SSBP2: variants seen among roughly 807,000 people sequenced by gnomAD.
SSBP2 encodes single stranded DNA binding protein 2.
A neutral mutation model predicts 61.8 loss-of-function variants in SSBP2; 17 were observed. The observed-to-expected ratio is 0.28, with a 90% CI of 0.19 to 0.41. The LOEUF (loss-of-function observed/expected upper bound fraction) is 0.41. SSBP2 is among the 10% of genes least tolerant of loss of function. The pLI is 1.00. For synonymous variants in SSBP2, 139 were observed against 141.3 expected, an observed-to-expected ratio of 0.98 and a Z score of 0.12; for missense variants, 310 against 458.7, an observed-to-expected ratio of 0.68 and a Z score of 2.96.
chr5:81,661,309 T>C (rs1581276301), intron 1 of SSBP2, among the ~76,000 whole-genome samples: 1 of 152,290 alleles, frequency 6.6e-6, no homozygotes, highest in African/African-American at 2.4e-5. Flanking sequence ...AAAGCGGCAA[T>C]GACTATGGGA....
At chr5:81,531,974 G>A (rs1219406145) in intron 4 of SSBP2, among the ~76,000 whole-genome samples, 2 of 152,078 alleles carry the variant, frequency 1.3e-5, no homozygotes, top group African/African-American at 4.8e-5. Flanking sequence ...AATGTTCTCA[G>A]TTTTCTCTGT....
rs1764934539 is a variant in SSBP2 at position 81,466,975 on chromosome 5, T to C, written c.637A>G (p.Met213Val). The change falls in exon 9 of 17, where the codon ATG (methionine) becomes GTG (valine). Residue 213 changes from methionine to valine, a missense_variant and splice_region_variant. Physicochemically the swap from Met to Val is conservative, Grantham distance 21. Around this residue, in one of 4 missense-constraint regions of SSBP2, gnomAD observed 209 missense variants for 286.4 expected, o/e 0.73. Coordinates refer to ENST00000320672, the MANE Select transcript of SSBP2 (RefSeq NM_012446.5). ...AGTATATGATATAACATTGCTTACA[T>C]GTTCATTCCAGGCATTCCAGGGCCA... The C allele has an allele frequency of 3.1e-6, 5 of 1,600,630 alleles. No individual in the cohort carries two copies. Among genetic ancestry groups the C allele is most frequent in the Non-Finnish European group, 4.3e-6 (5 of 1,169,238 alleles).
chr5:81,507,868 C>A (rs954903249), intron 5 of SSBP2, among the ~76,000 whole-genome samples: 9 of 152,002 alleles, frequency 5.9e-5, no homozygotes, highest in Non-Finnish European at 1.2e-4. Context: ...ATTTTTTAAA[C>A]AAAAGAATTA....
At chr5:81,663,906 T>C (rs927304111) in intron 1 of SSBP2, among the ~76,000 whole-genome samples, 4 of 152,176 alleles carry the variant, frequency 2.6e-5, no homozygotes, top group African/African-American at 9.7e-5. Context: ...AAAAGATTCA[T>C]ATAAAAATAA....
At chr5:81,683,981 A>G (rs1415255459) in intron 1 of SSBP2, among the ~76,000 whole-genome samples, 1 of 152,190 alleles carries the variant, frequency 6.6e-6, no homozygotes. Context: ...AGCAACAAGA[A>G]TTTCCATTCA....
chr5:81,614,127 G>A (rs1257584873), intron 4 of SSBP2, among the ~76,000 whole-genome samples: 4 of 152,068 alleles, frequency 2.6e-5, no homozygotes, highest in Non-Finnish European at 5.9e-5. Flanking sequence ...TTGGGAGGCC[G>A]AGGCGGGCGG....
chr5:81,571,748 T>C (rs1773858982), intron 4 of SSBP2, among the ~76,000 whole-genome samples: 1 of 152,134 alleles, frequency 6.6e-6, no homozygotes, highest in Admixed American at 6.5e-5. Context: ...TATTCAACAA[T>C]ATTATCTGGC....
chr5:81,687,569 G>C (rs1752910330), intron 1 of SSBP2, among the ~76,000 whole-genome samples: 1 of 152,174 alleles, frequency 6.6e-6, no homozygotes, highest in Non-Finnish European at 1.5e-5. Context: ...AGGCAGCACA[G>C]CTTAAAGCTA....
At chr5:81,730,566 A>C (rs1756196469) in intron 1 of SSBP2, among the ~76,000 whole-genome samples, 2 of 152,186 alleles carry the variant, frequency 1.3e-5, no homozygotes, top group Non-Finnish European at 2.9e-5. Context: ...AAATCTAAAA[A>C]TCTACAGTTT....
chr5:81,718,809 T>C (rs1755349576), intron 1 of SSBP2, among the ~76,000 whole-genome samples: 1 of 152,228 alleles, frequency 6.6e-6, no homozygotes, highest in Admixed American at 6.5e-5. Flanking sequence ...GCGTCTTCCA[T>C]GATATTTAGC....
chr5:81,586,242 C>T (rs924252337), intron 4 of SSBP2, among the ~76,000 whole-genome samples: 1 of 152,142 alleles, frequency 6.6e-6, no homozygotes, highest in Admixed American at 6.5e-5. Flanking sequence ...AATGACTGTA[C>T]TAATTTTCAT....
At chr5:81,740,674 A>G (rs1756955001) in intron 1 of SSBP2, among the ~76,000 whole-genome samples, 1 of 152,224 alleles carries the variant, frequency 6.6e-6, no homozygotes, top group Non-Finnish European at 1.5e-5. Flanking sequence ...CCTGACTCCA[A>G]AGTTTAAAGT....
At chr5:81,466,149 T>G (rs1369343364) in intron 9 of SSBP2, among the ~76,000 whole-genome samples, 1 of 151,982 alleles carries the variant, frequency 6.6e-6, no homozygotes, top group African/African-American at 2.4e-5. Flanking sequence ...ATGGAACACT[T>G]TCATTACTTT....
intron 14 of SSBP2, among the ~76,000 whole-genome samples, chr5:81,440,288 T>A (rs932626667): frequency 3.3e-5 from 5 of 152,182 alleles, no homozygotes; most frequent in African/African-American, 1.2e-4. Flanking sequence ...ACAGCAGCAA[T>A]GTCTCCTTTT....
intron 4 of SSBP2, among the ~76,000 whole-genome samples, chr5:81,527,232 G>C (rs968023014): frequency 1.3e-5 from 2 of 152,018 alleles, no homozygotes; most frequent in Admixed American, 1.3e-4. Context: ...AGATAACTCT[G>C]GTAGCTCTTT....
At chr5:81,630,779 C>T (rs900953518) in intron 3 of SSBP2, among the ~76,000 whole-genome samples, 1 of 146,952 alleles carries the variant, frequency 6.8e-6, no homozygotes, top group African/African-American at 2.5e-5. Flanking sequence ...AAAAAAGCTA[C>T]AGAAGCAAAA....
chr5:81,527,478 T>C (rs1770033455), intron 4 of SSBP2, among the ~76,000 whole-genome samples: 1 of 151,998 alleles, frequency 6.6e-6, no homozygotes, highest in South Asian at 2.1e-4. Flanking sequence ...TGCAATGAAA[T>C]ACAGGTAACA....
chr5:81,428,617 C>G lies in SSBP2; in HGVS notation c.1024G>C (p.Gly342Arg), dbSNP rs1317727632. ...CTCTGAAAAGGATTTAAGAAATTTC[C>G]CCCCATTTCGCCATCATCCCTTGGA... The change falls in exon 16 of 17, where the codon GGA becomes CGA. Residue 342 changes from glycine (G) to arginine (R), a missense_variant. By Grantham distance (125) the Gly-to-Arg change is moderately radical (BLOSUM62 -2). This residue lies in a region of SSBP2 where 44 missense variants were observed against 86.2 expected (regional missense o/e 0.51). Coordinates refer to ENST00000320672, the MANE Select transcript of SSBP2 (RefSeq NM_012446.5). The G allele has an allele frequency of 1.2e-6, 2 of 1,613,090 alleles. No individual in the cohort carries two copies.
chr5:81,628,491 T>A (rs1269893986), intron 3 of SSBP2, among the ~76,000 whole-genome samples: 5 of 152,184 alleles, frequency 3.3e-5, no homozygotes, highest in Non-Finnish European at 2.9e-5. Context: ...ATTAAAACTT[T>A]AAATAGAAAG....
Sources: gnomAD v4.1 joint callset for allele counts (sites outside exome capture counted in the v4.1 genomes callset) on GRCh38, gnomAD v4.1.1 for gene constraint, gnomAD v4.1.1 regional missense constraint, MANE v1.5 for transcripts, NCBI Gene and HGNC (gene_info 2026-07-23, HGNC 2026-07-21) for gene names.